Variants in TRMT11 observed in about 807,000 individuals in gnomAD.
TRMT11 encodes tRNA methyltransferase 11.
Under a neutral mutation model 62.8 loss-of-function variants are expected in TRMT11, and 53 were observed. The observed-to-expected ratio is 0.84, with a 90% CI of 0.68 to 1.06. The LOEUF (loss-of-function observed/expected upper bound fraction) is 1.06. TRMT11 is among the 50% of genes least tolerant of loss of function. The pLI is 0.00. For synonymous variants in TRMT11, 188 were observed against 190.3 expected (o/e 0.99, Z 0.10); for missense variants, 556 against 553.4 (o/e 1.00, Z -0.05).
At chr6:126,188,062 T>A (rs1025315094) in intron 1 of TRMT11, among the ~76,000 whole-genome samples, 1 of 151,682 alleles carries the variant, frequency 6.6e-6, no homozygotes, top group African/African-American at 2.4e-5. Context: ...AGCCAATGAT[T>A]TTTTAGAGGG....
intron 11 of TRMT11, among the ~76,000 whole-genome samples, chr6:126,015,166 T>C (rs1316320622): frequency 6.6e-6 from 1 of 152,066 alleles, no homozygotes; most frequent in Admixed American, 6.6e-5. Context: ...TCTACCCTTA[T>C]CCAGATTTTT....
intron 8 of TRMT11, among the ~76,000 whole-genome samples, chr6:126,009,962 T>C (rs996053620): frequency 2.0e-5 from 3 of 152,028 alleles, no homozygotes; most frequent in Non-Finnish European, 4.4e-5. Flanking sequence ...ACCCTCTGTT[T>C]CCTGTGGTTC....
At chr6:126,029,485 A>C (rs1236463172) in intron 12 of TRMT11, among the ~76,000 whole-genome samples, 1 of 152,138 alleles carries the variant, frequency 6.6e-6, no homozygotes, top group Non-Finnish European at 1.5e-5. Flanking sequence ...TATTGAATTC[A>C]TCCCTAAGCA....
At chr6:126,247,462 T>TATCTATC in the TRMT11 span, among the ~76,000 whole-genome samples, 2 of 144,720 alleles carry the variant, frequency 1.4e-5, no homozygotes, top group Non-Finnish European at 3.0e-5. Flanking sequence ...TCTATCTATC[T>TATCTATC]ATCTATCTAT....
In TRMT11 at chr6:126,151,881, C is replaced by T. The variant is rs1320177814; in HGVS notation, c.*1824-22944C>T. 4.2e-3 allele frequency among the ~76,000 whole-genome samples: 221 copies of T among 52,178 alleles called. 3 individuals carry two copies. Among genetic ancestry groups the T allele is most frequent in the South Asian group, 7.3e-3 (13 of 1,778 alleles). 34.2% of individuals were successfully genotyped at this position (52,178 alleles called of 152,430 possible). A position where few individuals can be genotyped will look rare whatever the true frequency, so the allele number is the denominator to read the frequency against. ...TTCTTTCTTTCCTTCTTTCTCCTTC[C>T]TTCCTTGTCTTTTTCTTTCTTTTCT... On this transcript the variant is annotated intron_variant and NMD_transcript_variant, in intron 21 of 22. Transcript: ENST00000648977.
chr6:126,181,219 G>C (rs1451380663), intron 1 of TRMT11, among the ~76,000 whole-genome samples: 1 of 152,162 alleles, frequency 6.6e-6, no homozygotes, highest in Non-Finnish European at 1.5e-5. Context: ...TTATTGCTTT[G>C]AATTAAGATT....
the TRMT11 span, among the ~76,000 whole-genome samples, chr6:126,260,650 G>C: frequency 2.0e-5 from 3 of 152,224 alleles, no homozygotes; most frequent in South Asian, 6.2e-4. Context: ...TTGTTTTTCT[G>C]TAAAGGTCTT....
At chr6:126,182,129 TTAACA>T (rs1334147872) in intron 1 of TRMT11, among the ~76,000 whole-genome samples, 4 of 152,138 alleles carry the variant, frequency 2.6e-5, no homozygotes, top group African/African-American at 9.7e-5. Context: ...ATATTACGTA[TTAACA>T]TAAACTCTAG....
intron 17 of TRMT11, among the ~76,000 whole-genome samples, chr6:126,063,120 A>G (rs796997414): frequency 3.1e-4 from 47 of 152,298 alleles, no homozygotes; most frequent in African/African-American, 1.1e-3. Flanking sequence ...AAGTATTCCA[A>G]TGTCATATAG....
At chr6:126,046,063 G>T (rs147811843) in intron 16 of TRMT11, among the ~76,000 whole-genome samples, 1 of 152,002 alleles carries the variant, frequency 6.6e-6, no homozygotes, top group Non-Finnish European at 1.5e-5. Context: ...TGATGAAGGC[G>T]ACCTACTGAA....
At chr6:126,088,484 G>A (rs551722557) in intron 17 of TRMT11, among the ~76,000 whole-genome samples, 3 of 152,248 alleles carry the variant, frequency 2.0e-5, no homozygotes, top group East Asian at 1.9e-4. Context: ...ACATGCAGAC[G>A]GAGTTGAAAA....
intron 21 of TRMT11, among the ~76,000 whole-genome samples, chr6:126,164,532 T>C (rs760143094): frequency 6.6e-6 from 1 of 152,222 alleles, no homozygotes; most frequent in Non-Finnish European, 1.5e-5. Flanking sequence ...AATATCCTTT[T>C]TAATTTTCTG....
At chr6:126,132,314 A>G (rs1253560602) in intron 21 of TRMT11, among the ~76,000 whole-genome samples, 1 of 152,022 alleles carries the variant, frequency 6.6e-6, no homozygotes, top group East Asian at 1.9e-4. Context: ...TCACTTCTGA[A>G]TTGTTCAGTT....
chr6:126,171,761 C>T (rs1778331950), intron 21 of TRMT11, among the ~76,000 whole-genome samples: 1 of 152,096 alleles, frequency 6.6e-6, no homozygotes, highest in Admixed American at 6.6e-5. Flanking sequence ...TCTTGTCGCC[C>T]AGGCTGGAGT....
intron 1 of TRMT11, among the ~76,000 whole-genome samples, chr6:126,178,068 C>T (rs531867510): frequency 1.2e-4 from 18 of 152,286 alleles, no homozygotes; most frequent in African/African-American, 3.4e-4. Flanking sequence ...CTTATGTTTT[C>T]AGAATACTCT....
intron 21 of TRMT11, among the ~76,000 whole-genome samples, chr6:126,122,700 G>C (rs1238408659): frequency 6.6e-6 from 1 of 152,068 alleles, no homozygotes; most frequent in African/African-American, 2.4e-5. Context: ...CTACATGACT[G>C]CTCATACTTT....
chr6:126,229,083 T>G, the TRMT11 span, among the ~76,000 whole-genome samples: 1 of 152,248 alleles, frequency 6.6e-6, no homozygotes, highest in Non-Finnish European at 1.5e-5. Context: ...ATTTATATAA[T>G]CTTTTAATGA....
chr6:126,151,781 T>TTTCC (rs549337385), intron 21 of TRMT11, among the ~76,000 whole-genome samples: 1 of 143,772 alleles, frequency 7.0e-6, no homozygotes, highest in Non-Finnish European at 1.5e-5. Context: ...CTTTCACCCT[T>TTTCC]TTCCTTCCTT....
the TRMT11 span, among the ~76,000 whole-genome samples, chr6:126,227,449 T>C: frequency 6.6e-6 from 1 of 152,192 alleles, no homozygotes; most frequent in Non-Finnish European, 1.5e-5. Flanking sequence ...TACATGAGCA[T>C]CTTATCCAAG....
Sources: gnomAD v4.1 joint callset for allele counts (sites outside exome capture counted in the v4.1 genomes callset) on GRCh38, gnomAD v4.1.1 for gene constraint, MANE v1.5 for transcripts, NCBI Gene and HGNC (gene_info 2026-07-23, HGNC 2026-07-21) for gene names.